The following STUM variants were observed in gnomAD, a reference collection of about 807,000 sequenced individuals.
The protein encoded by STUM is stum, mechanosensory transduction mediator homolog.
A neutral mutation model predicts 15.3 loss-of-function variants in STUM; 8 were observed. The observed-to-expected ratio is 0.52, with a 90% CI of 0.31 to 0.94. The LOEUF (loss-of-function observed/expected upper bound fraction) is 0.94. Ranked by LOEUF, STUM falls within the 40% of genes least tolerant of loss-of-function variation. The pLI, the probability that STUM is intolerant of heterozygous loss-of-function variation, is 0.05. For synonymous variants in STUM, 78 were observed against 88.7 expected (o/e 0.88, Z 0.68); for missense variants, 142 against 204.9 (o/e 0.69, Z 1.87).
Position 226,601,028 on chromosome 1 carries a change from T to G in STUM, c.391+354T>G, listed in dbSNP as rs565490896. The stretch of plus-strand genomic sequence containing the variant: ...AAAAAGCAGCTCAATACACCAAAGC[T>G]CCTCTTCAGACTAAGTTCACTGGCT... On this transcript the variant is annotated intron_variant, in intron 3 of 3. Coordinates refer to ENST00000366788, the MANE Select transcript of STUM (RefSeq NM_001003665.4). Among the ~76,000 whole-genome samples, 6 of 152,176 alleles carry G rather than the reference T, an allele frequency of 3.9e-5. No individual in the cohort carries two copies. The East Asian group carries it at 9.6e-4, about 24-fold the overall frequency.
chr1:226,605,241 A>C lies in STUM; in HGVS notation c.*3201A>C, dbSNP rs140966334. On this transcript the variant is annotated 3_prime_UTR_variant, in exon 4 of 4. Transcript: ENST00000366788. The surrounding 1 kb of genome is among the most constrained non-coding windows in gnomAD (Gnocchi z 4.0). ...TCCAGCCCCAAGAGCAGCCTCACCC[A>C]GGCACAGTGCAGGGCATTTTAGCTC... 5.4e-4 allele frequency: 83 copies of C among 152,546 alleles called. No individual in the cohort carries two copies. Among genetic ancestry groups the C allele is most frequent in the African/African-American group, 1.9e-3 (80 of 41,576 alleles). The allele number at this position is 152,546 out of a possible 1,614,324, so 9.4% of individuals were successfully genotyped here. A position where few individuals can be genotyped will look rare whatever the true frequency, so the allele number is the denominator to read the frequency against.
At chr1:226,573,915 A>G (rs956028683) in intron 1 of STUM, among the ~76,000 whole-genome samples, 10 of 151,494 alleles carry the variant, frequency 6.6e-5, no homozygotes, top group South Asian at 2.1e-4. Flanking sequence ...GCTCACTGCA[A>G]CCTCCACCTC....
Position 226,567,633 on chromosome 1 carries a change from T to C in STUM, c.202+18527T>C, listed in dbSNP as rs1474459433. ...TATACAAAGAGATCGAGGGAGGAGA[T>C]GAACAGGTAAGACAGAGAATTTTCT... is the stretch of plus-strand genomic sequence containing the variant. On this transcript the variant is annotated intron_variant, in intron 1 of 3. Coordinates refer to ENST00000366788, the MANE Select transcript of STUM (RefSeq NM_001003665.4). This position sits in a 1 kb window ranked among gnomAD's most constrained non-coding sequence, Gnocchi z 4.5. Among the ~76,000 whole-genome samples the C allele has an allele frequency of 3.9e-5, 6 of 152,208 alleles. No homozygotes were observed. The highest frequency in any genetic ancestry group is 5.9e-5 in the Non-Finnish European group (4 of 68,014).
chr1:226,591,445 C>T (rs998409661), intron 1 of STUM, among the ~76,000 whole-genome samples: 2 of 152,242 alleles, frequency 1.3e-5, no homozygotes, highest in Non-Finnish European at 2.9e-5. Context: ...AAGGTTGTCT[C>T]CTCCTTTAAA....
intron 1 of STUM, among the ~76,000 whole-genome samples, chr1:226,557,645 C>A (rs571499): frequency 0.88 from 134,605 of 152,256 alleles, 59,538 homozygotes; most frequent in East Asian, 0.93. Context: ...AACACTTGTT[C>A]TCTTTCATCT....
At chr1:226,554,367 G>A (rs1667416431) in intron 1 of STUM, among the ~76,000 whole-genome samples, 2 of 152,190 alleles carry the variant, frequency 1.3e-5, no homozygotes, top group Non-Finnish European at 2.9e-5. Flanking sequence ...CAGATGGTAG[G>A]GTAGAGGCAT....
intron 1 of STUM, among the ~76,000 whole-genome samples, chr1:226,581,009 C>T (rs945342341): frequency 1.3e-5 from 2 of 152,222 alleles, no homozygotes; most frequent in Non-Finnish European, 2.9e-5. Context: ...TGCCAAGGCC[C>T]AGGGTGCGGC....
chr1:226,560,257 C>T (rs1421164111), intron 1 of STUM, among the ~76,000 whole-genome samples: 1 of 152,250 alleles, frequency 6.6e-6, no homozygotes, highest in Non-Finnish European at 1.5e-5. Context: ...TACTTGACCA[C>T]TGTTCTTCCA....
In STUM at chr1:226,605,834, T is replaced by A. The variant is rs180832462; in HGVS notation, c.*3794T>A. The A allele has an allele frequency of 6.6e-6, 1 of 151,852 alleles. No homozygotes were observed. Among genetic ancestry groups the A allele is most frequent in the East Asian group, 2.0e-4 (1 of 5,122 alleles). 9.4% of individuals were successfully genotyped at this position (151,852 alleles called of 1,614,324 possible). On this transcript the variant is annotated 3_prime_UTR_variant, in exon 4 of 4. Transcript: ENST00000366788. The surrounding 1 kb of genome is among the most constrained non-coding windows in gnomAD (Gnocchi z 4.0). ...CCAGAAAGGTGCCCCTTCCTGAGGG[T>A]GTTGGGGGATGGCGGCAGAGAGACA...
rs1668232432 is a variant in STUM at position 226,599,459 on chromosome 1, T to C, written c.383-1207T>C. ...ACTCCTTTGAAGGGAATTATCACAA[T>C]GGACTTTTCTATCCTAGAAGACAGT... is the stretch of plus-strand genomic sequence containing the variant. On this transcript the variant is annotated intron_variant, in intron 2 of 3. Transcript: ENST00000366788. Among the ~76,000 whole-genome samples, 3 of 152,250 alleles carry C rather than the reference T, an allele frequency of 2.0e-5. No individual in the cohort carries two copies. In the South Asian group the frequency reaches 6.2e-4, roughly 31 times the overall value.
At chr1:226,560,422 T>G (rs1233330429) in intron 1 of STUM, among the ~76,000 whole-genome samples, 1 of 152,230 alleles carries the variant, frequency 6.6e-6, no homozygotes, top group Non-Finnish European at 1.5e-5. Flanking sequence ...GTGTTGCTGG[T>G]TGGCAAGACG....
chr1:226,585,299 C>T (rs1332661080), intron 1 of STUM, among the ~76,000 whole-genome samples: 1 of 152,194 alleles, frequency 6.6e-6, no homozygotes, highest in African/African-American at 2.4e-5. Flanking sequence ...AGATTCTGCT[C>T]CAGCACTGCC....
At chr1:226,572,345 C>A (rs193162862) in intron 1 of STUM, among the ~76,000 whole-genome samples, 4 of 152,166 alleles carry the variant, frequency 2.6e-5, no homozygotes, top group Non-Finnish European at 4.4e-5. Flanking sequence ...CAACTTTCAA[C>A]AAGTATGCAT....
At chr1:226,584,337 A>C (rs1422453003) in intron 1 of STUM, among the ~76,000 whole-genome samples, 1 of 152,228 alleles carries the variant, frequency 6.6e-6, no homozygotes, top group Admixed American at 6.5e-5. Context: ...CTGAAGATGC[A>C]GGAAGTGAAA....
chr1:226,587,145 T>A (rs1304246077), intron 1 of STUM, among the ~76,000 whole-genome samples: 1 of 151,872 alleles, frequency 6.6e-6, no homozygotes, highest in Non-Finnish European at 1.5e-5. Context: ...ACATCAGAGG[T>A]CTAGGAGGGG....
intron 1 of STUM, among the ~76,000 whole-genome samples, chr1:226,585,102 C>G (rs535200718): frequency 3.3e-5 from 5 of 152,292 alleles, no homozygotes; most frequent in Non-Finnish European, 7.4e-5. Flanking sequence ...TACCACACTG[C>G]GGCATAGGGA....
chr1:226,562,220 G>A (rs537163997), intron 1 of STUM, among the ~76,000 whole-genome samples: 27 of 152,180 alleles, frequency 1.8e-4, no homozygotes, highest in African/African-American at 6.0e-4. Flanking sequence ...TGTAATCCTA[G>A]CACAGTGGGA....
In STUM at chr1:226,602,935, G is replaced by A. The variant is rs1392326003; in HGVS notation, c.*895G>A. 2 of 152,186 alleles carry A rather than the reference G, an allele frequency of 1.3e-5. No individual in the cohort carries two copies. The highest frequency in any genetic ancestry group is 6.5e-5 in the Admixed American group (1 of 15,284). 9.4% of individuals were successfully genotyped at this position (152,186 alleles called of 1,614,324 possible). A position where few individuals can be genotyped will look rare whatever the true frequency, so the allele number is the denominator to read the frequency against. ...AGAAAGACAATGCGATCCATTTATC[G>A]TACACTTTCTAACTTCCCGGCAGAG... On this transcript the variant is annotated 3_prime_UTR_variant, in exon 4 of 4. Coordinates refer to ENST00000366788, the MANE Select transcript of STUM (RefSeq NM_001003665.4).
At chr1:226,553,188 A>C (rs1405789849) in intron 1 of STUM, among the ~76,000 whole-genome samples, 1 of 152,222 alleles carries the variant, frequency 6.6e-6, no homozygotes, top group Non-Finnish European at 1.5e-5. Context: ...CCTGGGATGA[A>C]ATTGTTCAAC....
Sources: allele counts gnomAD v4.1 joint callset (sites outside exome capture counted in the v4.1 genomes callset), GRCh38; gene constraint gnomAD v4.1.1; non-coding constraint Gnocchi (gnomAD v3.1); transcripts MANE v1.5; gene names NCBI Gene and HGNC (gene_info 2026-07-23, HGNC 2026-07-21).